The following FAM98B variants were observed in gnomAD, a reference collection of about 807,000 sequenced individuals.
FAM98B encodes tRNA-splicing ligase complex subunit FAM98B.
A neutral mutation model predicts 43.9 loss-of-function variants in FAM98B; 32 were observed. That is an observed-to-expected ratio of 0.73 (90% CI 0.55 to 0.98). FAM98B has a LOEUF of 0.98. FAM98B is among the 50% of genes least tolerant of loss of function. FAM98B has a pLI of 0.00. For synonymous variants in FAM98B, 190 were observed against 174.0 expected (o/e 1.09, Z -0.72); for missense variants, 514 against 522.9 (o/e 0.98, Z 0.17).
chr15:38,455,777 A>G (rs1889839366), intron 1 of FAM98B, among the ~76,000 whole-genome samples: 1 of 152,192 alleles, frequency 6.6e-6, no homozygotes, highest in Non-Finnish European at 1.5e-5. Context: ...CATTTCTTGA[A>G]CTTATTGTTC....
chr15:38,467,394 A>G (rs561289684), intron 3 of FAM98B, among the ~76,000 whole-genome samples: 3 of 152,358 alleles, frequency 2.0e-5, no homozygotes, highest in East Asian at 1.9e-4. Flanking sequence ...TACATAAGAC[A>G]TGAACACGCA....
At chr15:38,474,774 A>G (rs756243820) in intron 6 of FAM98B, among the ~76,000 whole-genome samples, 17 of 152,126 alleles carry the variant, frequency 1.1e-4, no homozygotes, top group Non-Finnish European at 2.2e-4. Context: ...GCTGTCTCCC[A>G]TCATTCCCAT....
intron 1 of FAM98B, among the ~76,000 whole-genome samples, chr15:38,457,896 C>T (rs1889874874): frequency 6.6e-6 from 1 of 151,092 alleles, no homozygotes; most frequent in South Asian, 2.1e-4. Context: ...ACTATCTGAC[C>T]TTAAGGCATT....
At chr15:38,458,566 T>C (rs954982324) in intron 1 of FAM98B, among the ~76,000 whole-genome samples, 2 of 152,142 alleles carry the variant, frequency 1.3e-5, no homozygotes, top group Non-Finnish European at 2.9e-5. Flanking sequence ...GTTCTGGGTA[T>C]TGTTGGTCTG....
intron 3 of FAM98B, 139 bp downstream of exon 3, chr15:38,465,542 A>G (rs1890016952): frequency 2.6e-6 from 2 of 770,748 alleles, no homozygotes; most frequent in Non-Finnish European, 3.8e-6. Flanking sequence ...AAGCTATCTC[A>G]GAAATGTTTA....
chr15:38,464,865 T>C (rs1281117108), intron 2 of FAM98B, among the ~76,000 whole-genome samples: 1 of 152,178 alleles, frequency 6.6e-6, no homozygotes, highest in Non-Finnish European at 1.5e-5. Context: ...CCCTCCCAAG[T>C]AGTTGAAACT....
At chr15:38,462,644 T>C in intron 1 of FAM98B, among the ~76,000 whole-genome samples, 1 of 152,300 alleles carries the variant, frequency 6.6e-6, no homozygotes, top group East Asian at 1.9e-4. Context: ...TAGGAATTTG[T>C]AAATGTTATT....
At chr15:38,460,234 C>T (rs998128747) in intron 1 of FAM98B, among the ~76,000 whole-genome samples, 3 of 152,150 alleles carry the variant, frequency 2.0e-5, no homozygotes, top group South Asian at 2.1e-4. Flanking sequence ...ATAGAACAAA[C>T]TAGGAGCATG....
chr15:38,475,874 T>TA (rs1555397998), intron 6 of FAM98B, among the ~76,000 whole-genome samples: 142 of 152,256 alleles, frequency 9.3e-4, no homozygotes, highest in African/African-American at 2.1e-3. Context: ...TGCTTTTTTT[T>TA]AAAAAACTAT....
At chr15:38,479,612 T>C (rs1244293251) in intron 6 of FAM98B, among the ~76,000 whole-genome samples, 2 of 152,248 alleles carry the variant, frequency 1.3e-5, no homozygotes, top group African/African-American at 2.4e-5. Context: ...GGCTGCATTA[T>C]ATTTTATCAT....
intron 6 of FAM98B, among the ~76,000 whole-genome samples, chr15:38,477,778 C>T (rs1428161684): frequency 1.3e-5 from 2 of 152,140 alleles, no homozygotes; most frequent in African/African-American, 4.8e-5. Flanking sequence ...GCATGTGTGC[C>T]AGGATAAACT....
chr15:38,459,053 A>G, intron 1 of FAM98B: 2 of 343,650 alleles, frequency 5.8e-6, no homozygotes, highest in Non-Finnish European at 1.2e-5. Context: ...CAGGGTTGGC[A>G]TACTTGGCCA....
At chr15:38,464,352 A>G (rs1212334623) in intron 2 of FAM98B, among the ~76,000 whole-genome samples, 175 bp downstream of exon 2, 2 of 152,208 alleles carry the variant, frequency 1.3e-5, no homozygotes, top group African/African-American at 2.4e-5. Context: ...CAGAATTGAT[A>G]TTTAAATTTG....
intron 1 of FAM98B, among the ~76,000 whole-genome samples, chr15:38,454,844 C>T (rs1377975379): frequency 6.6e-6 from 1 of 152,182 alleles, no homozygotes; most frequent in Non-Finnish European, 1.5e-5. Context: ...TTACTCTTGG[C>T]TTACATAGTC....
intron 1 of FAM98B, among the ~76,000 whole-genome samples, chr15:38,457,286 G>A (rs1294120363): frequency 1.3e-5 from 2 of 152,154 alleles, no homozygotes; most frequent in Admixed American, 1.3e-4. Context: ...CAAAGTGTTG[G>A]GATTACAGGT....
intron 1 of FAM98B, among the ~76,000 whole-genome samples, chr15:38,461,779 GTT>G: frequency 6.6e-6 from 1 of 152,078 alleles, no homozygotes; most frequent in Non-Finnish European, 1.5e-5. Flanking sequence ...ACTATACTGA[GTT>G]ACCAGATGGT....
intron 7 of FAM98B, chr15:38,482,657 G>C (rs954330107): frequency 2.0e-5 from 3 of 152,198 alleles, no homozygotes; most frequent in African/African-American, 7.2e-5. Flanking sequence ...ACTTGGTTTT[G>C]ATTGGAGGAT....
In FAM98B at chr15:38,473,511, G is replaced by A. The variant is rs1048341961; in HGVS notation, c.538G>A (p.Asp180Asn). The change falls in exon 5 of 8, where the codon GAT becomes AAT. Residue 180 changes from aspartate (D) to asparagine (N), a missense_variant. Coordinates refer to ENST00000397609, the MANE Select transcript of FAM98B (RefSeq NM_173611.4). ...CTTTTATATTTACTTTTAGGTGAAAGATATTCTCTCAAAGGTCCAGAAAAA... is the reference window on the plus strand; with the variant it reads ...CTTTTATATTTACTTTTAGGTGAAAAATATTCTCTCAAAGGTCCAGAAAAA... ...MLNQVESKVK[D>N]ILSKVQKNHV... 28 of 1,601,222 alleles carry A rather than the reference G, an allele frequency of 1.7e-5. No individual in the cohort carries two copies. The highest frequency in any genetic ancestry group is 2.1e-5 in the Non-Finnish European group (25 of 1,174,156).
At chr15:38,457,357 G>A (rs1045191333) in intron 1 of FAM98B, among the ~76,000 whole-genome samples, 2 of 152,142 alleles carry the variant, frequency 1.3e-5, no homozygotes, top group African/African-American at 4.8e-5. Context: ...GCACCAAAAT[G>A]AAATGATACA....
Sources: allele counts gnomAD v4.1 joint callset (sites outside exome capture counted in the v4.1 genomes callset), GRCh38; gene constraint gnomAD v4.1.1; transcripts MANE v1.5; gene names NCBI Gene and HGNC (gene_info 2026-07-23, HGNC 2026-07-21).